Variants in KDSR observed in about 807,000 individuals in gnomAD.
KDSR encodes 3-ketodihydrosphingosine reductase.
KDSR carries 23 observed loss-of-function variants against 41.3 expected under a neutral mutation model. The observed-to-expected ratio is 0.56, with a 90% CI of 0.40 to 0.79. The LOEUF (loss-of-function observed/expected upper bound fraction) is 0.79, where lower values mean the gene tolerates loss of function less well. KDSR is among the 30% of genes least tolerant of loss of function. KDSR has a pLI of 0.00. For missense variants in KDSR, 351 were observed against 416.8 expected (o/e 0.84, Z 1.37); for synonymous variants, 138 against 151.7 (o/e 0.91, Z 0.66).
chr18:63,350,744 G>A (rs1232403645), intron 6 of KDSR, 144 bp downstream of exon 6: 4 of 664,684 alleles, frequency 6.0e-6, no homozygotes, highest in East Asian at 2.6e-5. Context: ...AAAACTCAGG[G>A]TTGAGCCAAT....
Position 63,367,190 on chromosome 18 carries a change from G to A in KDSR, c.-72C>T. On this transcript the variant is annotated 5_prime_UTR_variant, in exon 1 of 10. Transcript: ENST00000645214. ...GGCAAGGCGCGCAGGGCTGGGCTGC[G>A]GCGAGGCGAGAATCACGCGCGGCGG... 1.3e-6 allele frequency: 1 copy of A among 743,642 alleles called. No homozygotes were observed. The highest frequency in any genetic ancestry group is 1.8e-6 in the Non-Finnish European group (1 of 541,768). The allele number at this position is 743,642 out of a possible 1,614,324, so 46.1% of individuals were successfully genotyped here.
At chr18:63,338,701 C>G in intron 8 of KDSR, 99 bp downstream of exon 8, 1 of 804,704 alleles carries the variant, frequency 1.2e-6, no homozygotes, top group South Asian at 1.7e-5. Context: ...CTAAAAAATT[C>G]TAATAATTGA....
chr18:63,355,323 C>A, intron 4 of KDSR, 24 bp from the exon 5 acceptor site: 6 of 1,597,382 alleles, frequency 3.8e-6, no homozygotes, highest in East Asian at 2.3e-5. Context: ...GCAGAGCAGG[C>A]ATTAAGAAAC....
chr18:63,366,841 C>T (rs927391180), intron 1 of KDSR, among the ~76,000 whole-genome samples, 170 bp downstream of exon 1: 7 of 151,904 alleles, frequency 4.6e-5, no homozygotes, highest in Non-Finnish European at 5.9e-5. Flanking sequence ...GGCCGGGTGC[C>T]GGGGCCGGGG....
chr18:63,348,285 G>A (rs577775805), intron 6 of KDSR, among the ~76,000 whole-genome samples: 3 of 149,940 alleles, frequency 2.0e-5, no homozygotes, highest in Admixed American at 1.3e-4. Context: ...CTCCAGCCTC[G>A]GCAACAAAGC....
In KDSR at chr18:63,343,844, T is replaced by C. The variant is rs74462079; in HGVS notation, c.693+566A>G. Among the ~76,000 whole-genome samples the C allele has an allele frequency of 8.4e-3, 1,282 of 152,160 alleles. 19 individuals are homozygous for C. Among genetic ancestry groups the C allele is most frequent in the African/African-American group, 0.029 (1,198 of 41,510 alleles). On this transcript the variant is annotated intron_variant, in intron 7 of 9. Coordinates refer to ENST00000645214, the MANE Select transcript of KDSR (RefSeq NM_002035.4). Reference sequence around the variant, plus strand: ...GGAGAGATGAGGCAAAGGATTGATATTGGACTCTAAAACTGTGTGACATAC... The same window carrying C: ...GGAGAGATGAGGCAAAGGATTGATACTGGACTCTAAAACTGTGTGACATAC...
At chr18:63,335,420 G>T in intron 8 of KDSR, 62 bp from the exon 9 acceptor site, 1 of 1,122,300 alleles carries the variant, frequency 8.9e-7, no homozygotes, top group Non-Finnish European at 1.4e-6. Context: ...AAATCAGTCG[G>T]ACACATCAGA....
chr18:63,330,203 T>A lies in KDSR; in HGVS notation c.*1579A>T. On this transcript the variant is annotated 3_prime_UTR_variant, in exon 10 of 10. Coordinates refer to ENST00000645214, the MANE Select transcript of KDSR (RefSeq NM_002035.4). ...AAAGGTATGCTATAATTTTTAGGTC[T>A]TCAATTTTTGTATAGAGTTTTTATG... is the stretch of plus-strand genomic sequence containing the variant. 5.0e-6 allele frequency: 1 copy of A among 200,652 alleles called. No individual in the cohort carries two copies. Among genetic ancestry groups the A allele is most frequent in the African/African-American group, 2.3e-5 (1 of 43,672 alleles). 12.4% of individuals were successfully genotyped at this position (200,652 alleles called of 1,614,324 possible).
At chr18:63,366,925 A>C in intron 1 of KDSR, 86 bp downstream of exon 1, 1 of 664,342 alleles carries the variant, frequency 1.5e-6, no homozygotes, top group Non-Finnish European at 2.2e-6. Flanking sequence ...CGCGGCCTGG[A>C]AAAAGGGACG....
chr18:63,334,719 T>A (rs1413979018), intron 9 of KDSR, among the ~76,000 whole-genome samples: 1 of 152,192 alleles, frequency 6.6e-6, no homozygotes, highest in Non-Finnish European at 1.5e-5. Flanking sequence ...TCGCCTTCCA[T>A]CTGATTCCCC....
rs1200199574 is a variant in KDSR at position 63,362,847 on chromosome 18, T to C, written c.130A>G (p.Ile44Val). 2 of 1,613,456 alleles carry C rather than the reference T, an allele frequency of 1.2e-6. No individual in the cohort carries two copies. Among genetic ancestry groups the C allele is most frequent in the South Asian group, 1.1e-5 (1 of 91,038 alleles). The part of the protein sequence containing the change: ...HVVVTGGSSG[I>V]GKCIAIECYK... ...CACTCGATAGCAATGCACTTCCCGATGCCACTGGAACCTCCTGTAACCTAA... is the reference window on the plus strand; with the variant it reads ...CACTCGATAGCAATGCACTTCCCGACGCCACTGGAACCTCCTGTAACCTAA... The change falls in exon 2 of 10, where the codon ATC (isoleucine) becomes GTC (valine). Residue 44 changes from isoleucine to valine, a missense_variant. By Grantham distance (29) the Ile-to-Val change is conservative. Coordinates refer to ENST00000645214, the MANE Select transcript of KDSR (RefSeq NM_002035.4).
At chr18:63,358,512 A>C (rs1295773788) in intron 3 of KDSR, among the ~76,000 whole-genome samples, 2 of 152,166 alleles carry the variant, frequency 1.3e-5, no homozygotes, top group Admixed American at 1.3e-4. Flanking sequence ...TAATAAAAGA[A>C]GTAGAACTAA....
chr18:63,347,670 G>A (rs896512154), intron 6 of KDSR, among the ~76,000 whole-genome samples: 1 of 152,090 alleles, frequency 6.6e-6, no homozygotes. Flanking sequence ...ACAGAAGGAA[G>A]AGATGGGAGG....
rs759805245 is a variant in KDSR, at chr18:63,329,339, A to G, written c.*2443T>C. The stretch of plus-strand genomic sequence containing the variant: ...TAAGGGAAAACCTATAATCAAATCC[A>G]TGGATATTTCTTCAGGGAAAATTAA... On this transcript the variant is annotated 3_prime_UTR_variant, in exon 10 of 10. Transcript: ENST00000645214. 1.4e-5 allele frequency: 3 copies of G among 207,972 alleles called. No individual in the cohort carries two copies. Among genetic ancestry groups the G allele is most frequent in the African/African-American group, 6.8e-5 (3 of 43,964 alleles). 12.9% of individuals were successfully genotyped at this position (207,972 alleles called of 1,614,324 possible).
intron 1 of KDSR, 117 bp from the exon 2 acceptor site, chr18:63,362,985 CTGT>C (rs1568073466): frequency 4.6e-6 from 3 of 648,536 alleles, no homozygotes; most frequent in African/African-American, 3.7e-5. Flanking sequence ...AAATGATTAG[CTGT>C]TGTTAACTTC....
intron 1 of KDSR, 33 bp downstream of exon 1, chr18:63,366,978 T>G (rs2144388816): frequency 8.4e-7 from 1 of 1,184,968 alleles, no homozygotes. Context: ...CGCGGGCCGG[T>G]AAGTCGGGGG....
intron 6 of KDSR, among the ~76,000 whole-genome samples, chr18:63,348,168 G>T (rs1217350668): frequency 2.0e-5 from 3 of 151,938 alleles, no homozygotes; most frequent in Non-Finnish European, 4.4e-5. Flanking sequence ...AAACGGTGAG[G>T]CATGGTAGTA....
intron 6 of KDSR, 130 bp downstream of exon 6, chr18:63,350,758 C>T (rs1292729434): frequency 4.3e-6 from 3 of 702,456 alleles, no homozygotes; most frequent in African/African-American, 3.6e-5. Flanking sequence ...AGCCAATTCT[C>T]TTTCACCAAT....
At chr18:63,342,427 G>A (rs752267785) in intron 7 of KDSR, among the ~76,000 whole-genome samples, 3 of 152,112 alleles carry the variant, frequency 2.0e-5, no homozygotes, top group African/African-American at 2.4e-5. Flanking sequence ...GACCAGGAAC[G>A]GGGACGACCC....
Sources: gnomAD v4.1 joint callset for allele counts (sites outside exome capture counted in the v4.1 genomes callset) on GRCh38, gnomAD v4.1.1 for gene constraint, MANE v1.5 for transcripts, NCBI Gene and HGNC (gene_info 2026-07-23, HGNC 2026-07-21) for gene names.